MEI4: variants seen among roughly 807,000 people sequenced by gnomAD.
MEI4 encodes meiotic double-stranded break formation protein 4.
Under a neutral mutation model 31.4 loss-of-function variants are expected in MEI4, and 27 were observed. That is an observed-to-expected ratio of 0.86 (90% CI 0.63 to 1.19). The LOEUF (loss-of-function observed/expected upper bound fraction) is 1.19. Ranked by LOEUF, MEI4 falls within the 50% of genes most tolerant of loss-of-function variation. MEI4 has a pLI of 0.00. For missense variants in MEI4, 329 were observed against 398.9 expected (o/e 0.82, Z 1.49); for synonymous variants, 122 against 145.4 (o/e 0.84, Z 1.16).
At chr6:77,717,040 G>T (rs1423061558) in intron 2 of MEI4, among the ~76,000 whole-genome samples, 2 of 147,978 alleles carry the variant, frequency 1.4e-5, no homozygotes, top group African/African-American at 2.5e-5. Flanking sequence ...AAAGTATAGA[G>T]AAAGAAATAA....
At chr6:77,858,183 C>T (rs1304525128) in intron 4 of MEI4, among the ~76,000 whole-genome samples, 4 of 152,002 alleles carry the variant, frequency 2.6e-5, no homozygotes, top group African/African-American at 9.7e-5. Context: ...TAAAGAAGTA[C>T]CCTTGAAGAA....
chr6:77,815,034 G>A (rs1365221754), intron 3 of MEI4, among the ~76,000 whole-genome samples: 1 of 152,120 alleles, frequency 6.6e-6, no homozygotes, highest in Non-Finnish European at 1.5e-5. Context: ...GCCTCCTTAA[G>A]AGGATTACTG....
intron 3 of MEI4, among the ~76,000 whole-genome samples, chr6:77,793,031 A>G (rs1391153535): frequency 6.6e-6 from 1 of 152,086 alleles, no homozygotes; most frequent in Non-Finnish European, 1.5e-5. Flanking sequence ...CTATTTATTG[A>G]AGAGAATGTT....
intron 2 of MEI4, among the ~76,000 whole-genome samples, chr6:77,758,850 GCTATCCATTTTATGCTTTCCTGAT>G (rs1767974623): frequency 1.3e-5 from 2 of 152,174 alleles, no homozygotes; most frequent in South Asian, 2.1e-4. Flanking sequence ...GTCTGCAGTT[GCTATCCATTTTATGCTTTCCTGAT>G]CTAAGTCCTC....
chr6:77,856,596 T>G (rs1770752142), intron 4 of MEI4, among the ~76,000 whole-genome samples: 1 of 152,190 alleles, frequency 6.6e-6, no homozygotes, highest in African/African-American at 2.4e-5. Flanking sequence ...AAACACCCTG[T>G]CATCTCCAGC....
At chr6:77,900,717 T>C (rs1766170175) in intron 4 of MEI4, among the ~76,000 whole-genome samples, 1 of 152,010 alleles carries the variant, frequency 6.6e-6, no homozygotes, top group Admixed American at 6.6e-5. Context: ...CATACTTACA[T>C]TTTTGTGATA....
intron 2 of MEI4, among the ~76,000 whole-genome samples, chr6:77,758,447 G>A (rs927374734): frequency 1.3e-5 from 2 of 152,128 alleles, no homozygotes; most frequent in African/African-American, 2.4e-5. Context: ...AAGGACAAGA[G>A]CAGCAAATTA....
intron 4 of MEI4, among the ~76,000 whole-genome samples, chr6:77,903,136 T>C (rs1008554416): frequency 2.0e-5 from 3 of 152,174 alleles, no homozygotes; most frequent in Non-Finnish European, 4.4e-5. Flanking sequence ...ATGCCTTTTA[T>C]TTCCTTTTTT....
chr6:77,811,966 G>A (rs1769583509), intron 3 of MEI4, among the ~76,000 whole-genome samples: 1 of 151,950 alleles, frequency 6.6e-6, no homozygotes, highest in Non-Finnish European at 1.5e-5. Flanking sequence ...ATCCTTTGTA[G>A]GCAATTAATA....
intron 2 of MEI4, among the ~76,000 whole-genome samples, chr6:77,736,157 T>C (rs557822821): frequency 2.4e-4 from 36 of 152,140 alleles, no homozygotes; most frequent in South Asian, 6.2e-4. Context: ...TGTTGTGGGC[T>C]CCACCGGGTT....
At chr6:77,661,942 C>G (rs997111366) in intron 1 of MEI4, among the ~76,000 whole-genome samples, 1 of 152,114 alleles carries the variant, frequency 6.6e-6, no homozygotes, top group Non-Finnish European at 1.5e-5. Context: ...TGGGATCTGA[C>G]GCCTTTTGAT....
chr6:77,842,117 A>G (rs1374186326), intron 4 of MEI4, among the ~76,000 whole-genome samples: 3 of 152,178 alleles, frequency 2.0e-5, no homozygotes, highest in Non-Finnish European at 2.9e-5. Context: ...TTCACCCAAT[A>G]ACAGCCAAAT....
intron 4 of MEI4, among the ~76,000 whole-genome samples, chr6:77,867,640 AT>A (rs571515132): frequency 1.1e-3 from 163 of 152,320 alleles, no homozygotes; most frequent in African/African-American, 3.4e-3. Flanking sequence ...TAGTTCAACC[AT>A]TGTGGAAGTC....
chr6:77,681,740 T>C (rs1768960715), intron 1 of MEI4, among the ~76,000 whole-genome samples: 1 of 152,186 alleles, frequency 6.6e-6, no homozygotes, highest in South Asian at 2.1e-4. Flanking sequence ...CTTAGTTAAC[T>C]CTTTTTTCAA....
intron 2 of MEI4, among the ~76,000 whole-genome samples, chr6:77,745,119 A>G (rs948667471): frequency 2.6e-5 from 4 of 152,170 alleles, no homozygotes; most frequent in Admixed American, 6.5e-5. Flanking sequence ...ACACATAACA[A>G]TATTAACTTT....
chr6:77,861,305 T>C (rs1377830303), intron 4 of MEI4, among the ~76,000 whole-genome samples: 20 of 152,362 alleles, frequency 1.3e-4, no homozygotes, highest in Middle Eastern at 3.4e-3. Flanking sequence ...TGCACCAACC[T>C]AATATCTATC....
chr6:77,812,379 CAT>C (rs1218600803), intron 3 of MEI4, among the ~76,000 whole-genome samples: 2 of 151,870 alleles, frequency 1.3e-5, no homozygotes, highest in African/African-American at 2.4e-5. Context: ...ATATATAACT[CAT>C]ATTGCTTAGA....
chr6:77,726,081 G>A (rs1187702322), intron 2 of MEI4, among the ~76,000 whole-genome samples: 12 of 101,434 alleles, frequency 1.2e-4, no homozygotes, highest in Non-Finnish European at 2.0e-4. Context: ...GCGGCCTTCC[G>A]CAGTTTTTGT....
At chr6:77,766,075 A>T (rs1040379118) in intron 3 of MEI4, among the ~76,000 whole-genome samples, 8 of 152,214 alleles carry the variant, frequency 5.3e-5, no homozygotes, top group Non-Finnish European at 8.8e-5. Context: ...CTCCATATAT[A>T]TTAGGAAGCT....
Sources: allele counts gnomAD v4.1 joint callset (sites outside exome capture counted in the v4.1 genomes callset), GRCh38; gene constraint gnomAD v4.1.1; transcripts MANE v1.5; gene names NCBI Gene and HGNC (gene_info 2026-07-23, HGNC 2026-07-21).